RAB27B: variants seen among roughly 807,000 people sequenced by gnomAD.
RAB27B encodes ras-related protein Rab-27B.
In RAB27B, 15 loss-of-function variants were observed where a neutral mutation model predicts 24.6. The observed-to-expected ratio is 0.61, with a 90% CI of 0.41 to 0.94. The LOEUF (loss-of-function observed/expected upper bound fraction) is 0.94. Among genes scored for constraint, RAB27B ranks in the 40% least tolerant of loss-of-function variants. The pLI is 0.00. For synonymous variants in RAB27B, 105 were observed against 92.5 expected, an observed-to-expected ratio of 1.14 and a Z score of -0.78; for missense variants, 261 against 266.8, an observed-to-expected ratio of 0.98 and a Z score of 0.15.
chr18:54,770,035 T>C (rs1299515403), intron 2 of RAB27B, among the ~76,000 whole-genome samples: 1 of 152,020 alleles, frequency 6.6e-6, no homozygotes, highest in Non-Finnish European at 1.5e-5. Flanking sequence ...GCCTGGCTAA[T>C]TTTTTGTATT....
At position 54,782,757 on chromosome 18, in the gene RAB27B, C is replaced by T. The variant is rs28405696; in HGVS notation, c.-20+64616C>T. ...TGACCCTTGTACAATTTTAGAAAAT[C>T]ATGGTAACAAATCAGTAAACAATAG... On this transcript the variant is annotated intron_variant, in intron 2 of 4. Coordinates refer to the RAB27B transcript ENST00000586570. Among the ~76,000 whole-genome samples the T allele has an allele frequency of 4.5e-3, 692 of 152,278 alleles. 8 individuals are homozygous for T. The highest frequency in any genetic ancestry group is 0.016 in the African/African-American group (654 of 41,560).
chr18:54,805,730 G>A (rs1225267895), intron 2 of RAB27B, among the ~76,000 whole-genome samples: 2 of 152,130 alleles, frequency 1.3e-5, no homozygotes, highest in Non-Finnish European at 2.9e-5. Context: ...GTCTTCTTGA[G>A]GTTAATGCAT....
At chr18:54,755,165 G>A (rs905921412) in intron 2 of RAB27B, among the ~76,000 whole-genome samples, 6 of 152,210 alleles carry the variant, frequency 3.9e-5, no homozygotes, top group East Asian at 1.9e-4. Context: ...CCAGGCAGGC[G>A]GATCACCCGA....
At chr18:54,723,860 C>T (rs965060334) in intron 2 of RAB27B, among the ~76,000 whole-genome samples, 40 of 152,256 alleles carry the variant, frequency 2.6e-4, no homozygotes, top group Admixed American at 2.6e-3. Context: ...TCCAGTGTCA[C>T]TACGAATTAA....
chr18:54,754,282 C>G (rs1444552031), intron 2 of RAB27B, among the ~76,000 whole-genome samples: 1 of 152,092 alleles, frequency 6.6e-6, no homozygotes, highest in Non-Finnish European at 1.5e-5. Context: ...CTTCCCCTTG[C>G]CTTCTACCAT....
intron 2 of RAB27B, among the ~76,000 whole-genome samples, chr18:54,753,878 T>C (rs775228859): frequency 4.6e-5 from 7 of 152,148 alleles, no homozygotes; most frequent in Non-Finnish European, 8.8e-5. Flanking sequence ...ACTCACACAC[T>C]TGGGGTTTAG....
chr18:54,794,225 G>A (rs1390079002), intron 2 of RAB27B, among the ~76,000 whole-genome samples: 3 of 152,070 alleles, frequency 2.0e-5, no homozygotes, highest in East Asian at 1.9e-4. Flanking sequence ...AGCTATTATA[G>A]CACCCTGAAC....
At chr18:54,773,500 C>G (rs1029719534) in intron 2 of RAB27B, among the ~76,000 whole-genome samples, 15 of 152,136 alleles carry the variant, frequency 9.9e-5, no homozygotes, top group African/African-American at 3.4e-4. Context: ...GTATGATAGT[C>G]TTTACTCTTT....
intron 2 of RAB27B, among the ~76,000 whole-genome samples, chr18:54,772,555 A>C (rs1908584566): frequency 6.6e-6 from 1 of 152,244 alleles, no homozygotes; most frequent in African/African-American, 2.4e-5. Flanking sequence ...CGTTATATGC[A>C]GCCAAATTTC....
At chr18:54,870,567 G>T (rs1357161421) in intron 1 of RAB27B, among the ~76,000 whole-genome samples, 1 of 152,064 alleles carries the variant, frequency 6.6e-6, no homozygotes, top group African/African-American at 2.4e-5. Context: ...AAGACCTAAA[G>T]CTCTATTAAG....
At chr18:54,749,504 C>A (rs867063936) in intron 2 of RAB27B, among the ~76,000 whole-genome samples, 1 of 152,178 alleles carries the variant, frequency 6.6e-6, no homozygotes, top group Non-Finnish European at 1.5e-5. Context: ...CAGATCCTAA[C>A]TCCTTACGAC....
intron 2 of RAB27B, among the ~76,000 whole-genome samples, chr18:54,724,486 G>A (rs1420867586): frequency 1.3e-5 from 2 of 151,342 alleles, no homozygotes; most frequent in Non-Finnish European, 3.0e-5. Flanking sequence ...CGCTTTGGGA[G>A]GCTTAGGCAG....
chr18:54,878,341 C>T (rs1912788445), intron 2 of RAB27B, among the ~76,000 whole-genome samples: 1 of 152,174 alleles, frequency 6.6e-6, no homozygotes, highest in Non-Finnish European at 1.5e-5. Context: ...GATATTGTGA[C>T]ATGTGAGATG....
intron 2 of RAB27B, among the ~76,000 whole-genome samples, chr18:54,756,236 C>G (rs777476916): frequency 2.0e-5 from 3 of 152,186 alleles, no homozygotes; most frequent in Non-Finnish European, 4.4e-5. Flanking sequence ...TTTGCCTGTT[C>G]TGTACCAGTG....
chr18:54,769,452 T>G (rs1598890925), intron 2 of RAB27B, among the ~76,000 whole-genome samples: 1 of 103,106 alleles, frequency 9.7e-6, no homozygotes, highest in South Asian at 3.0e-4. Flanking sequence ...CCATCTTGTT[T>G]TTTTGTTGTT....
At chr18:54,885,006 G>GA (rs754947597) in intron 4 of RAB27B, among the ~76,000 whole-genome samples, 29 of 152,140 alleles carry the variant, frequency 1.9e-4, no homozygotes, top group Non-Finnish European at 3.8e-4. Flanking sequence ...ACCATGTAAA[G>GA]ACAAATCTCC....
At chr18:54,763,623 T>C (rs1010666207) in intron 2 of RAB27B, among the ~76,000 whole-genome samples, 4 of 152,146 alleles carry the variant, frequency 2.6e-5, no homozygotes, top group Admixed American at 2.6e-4. Context: ...TATGGTACGA[T>C]GTGAAGTGGA....
At chr18:54,854,475 C>G (rs904059632) in intron 1 of RAB27B, among the ~76,000 whole-genome samples, 1 of 152,106 alleles carries the variant, frequency 6.6e-6, no homozygotes, top group Non-Finnish European at 1.5e-5. Context: ...ACCAGCTACT[C>G]TGCAAATCAA....
intron 2 of RAB27B, among the ~76,000 whole-genome samples, chr18:54,804,904 C>CTCTCTTTCCTTCTTTCTTTCTTTCTT: frequency 2.1e-5 from 1 of 48,022 alleles, no homozygotes; most frequent in African/African-American, 5.0e-5. Flanking sequence ...CTTTCTCTCT[C>CTCTCTTTCCTTCTTTCTTTCTTTCTT]TCTTTCTTTC....
Sources: allele counts gnomAD v4.1 joint callset (sites outside exome capture counted in the v4.1 genomes callset), GRCh38; gene constraint gnomAD v4.1.1; transcripts MANE v1.5; gene names NCBI Gene and HGNC (gene_info 2026-07-23, HGNC 2026-07-21).